The following COL22A1 variants were observed in gnomAD, a reference collection of about 807,000 sequenced individuals.
COL22A1 encodes collagen alpha-1(XXII) chain.
COL22A1 carries 221 observed loss-of-function variants against 248.9 expected under a neutral mutation model. That is an observed-to-expected ratio of 0.89 (90% CI 0.80 to 0.99). The LOEUF (loss-of-function observed/expected upper bound fraction) is 0.99. COL22A1 is among the 50% of genes least tolerant of loss of function. The pLI is 0.00. For synonymous variants in COL22A1, 891 were observed against 793.4 expected, an observed-to-expected ratio of 1.12 and a Z score of -2.07; for missense variants, 2,240 against 2,179.0, an observed-to-expected ratio of 1.03 and a Z score of -0.56.
At chr8:138,633,517 T>C (rs1478207155) in intron 49 of COL22A1, among the ~76,000 whole-genome samples, 4 of 152,266 alleles carry the variant, frequency 2.6e-5, no homozygotes, top group African/African-American at 9.6e-5. Flanking sequence ...GAGATGAGGC[T>C]GTAATCCATT....
chr8:138,655,915 G>A lies in COL22A1; in HGVS notation c.3315C>T (p.Asp1105=). The A allele has an allele frequency of 6.2e-7, 1 of 1,612,662 alleles. No individual in the cohort carries two copies. Among genetic ancestry groups the A allele is most frequent in the Non-Finnish European group, 8.5e-7 (1 of 1,178,760 alleles). Residue 1105 remains aspartate, a synonymous_variant, in exon 45 of 65, where the codon GAC becomes GAT. Transcript: ENST00000303045. The stretch of plus-strand genomic sequence containing the variant: ...CTTTTACCTTAGCCAAGAGATTTAT[G>A]TCCCCTGGAGACAGTAGTGAAGAGA... ...PGLSSLLSPG[D]INLLAKDVCN... is the part of the protein sequence containing the mutation.
intron 41 of COL22A1, among the ~76,000 whole-genome samples, chr8:138,670,402 C>G (rs553701522): frequency 1.3e-5 from 2 of 152,232 alleles, no homozygotes; most frequent in African/African-American, 4.8e-5. Flanking sequence ...CCTTGAGCAT[C>G]GGCCATGGGG....
Position 138,645,072 on chromosome 8 carries a change from T to G in COL22A1, c.3501+1557A>C, listed in dbSNP as rs140262671. Among the ~76,000 whole-genome samples the G allele has an allele frequency of 4.8e-3, 737 of 152,292 alleles. 7 individuals carry two copies. The highest frequency in any genetic ancestry group is 0.016 in the African/African-American group (658 of 41,570). The stretch of plus-strand genomic sequence containing the variant: ...TTGAGCTCATCCACGCAAAGCTATC[T>G]TCAGTAGGGACTTTCCCCTCTAGAG... On this transcript the variant is annotated intron_variant, in intron 47 of 64. Transcript: ENST00000303045.
At chr8:138,713,361 G>A (rs1829176066) in intron 30 of COL22A1, among the ~76,000 whole-genome samples, 1 of 152,060 alleles carries the variant, frequency 6.6e-6, no homozygotes, top group South Asian at 2.1e-4. Context: ...TATAAACTGG[G>A]GGTTAAGACG....
chr8:138,616,837 G>C, intron 54 of COL22A1, 77 bp downstream of exon 54: 1 of 1,551,368 alleles, frequency 6.4e-7, no homozygotes, highest in Non-Finnish European at 8.9e-7. Context: ...ATGGCCTGCA[G>C]GCTGCAAGTA....
chr8:138,908,853 GA>G (rs1815219496), intron 1 of COL22A1, among the ~76,000 whole-genome samples: 1 of 152,208 alleles, frequency 6.6e-6, no homozygotes, highest in Admixed American at 6.5e-5. Context: ...GTGGCAGAGA[GA>G]GTGCTTTCAT....
intron 56 of COL22A1, among the ~76,000 whole-genome samples, chr8:138,612,471 G>A (rs951488398): frequency 3.3e-5 from 5 of 152,130 alleles, no homozygotes; most frequent in African/African-American, 4.8e-5. Context: ...GAATGCTATG[G>A]GGTTCAATTG....
At chr8:138,806,800 C>G (rs560125534) in intron 10 of COL22A1, among the ~76,000 whole-genome samples, 1 of 152,330 alleles carries the variant, frequency 6.6e-6, no homozygotes, top group Admixed American at 6.5e-5. Context: ...GCCTGACACA[C>G]AGCAGATGCA....
intron 1 of COL22A1, among the ~76,000 whole-genome samples, chr8:138,884,336 G>A (rs1033846235): frequency 6.6e-6 from 1 of 152,102 alleles, no homozygotes; most frequent in African/African-American, 2.4e-5. Context: ...CAACTTCACT[G>A]GGCATGGAAG....
chr8:138,736,893 C>G (rs1048782869), intron 23 of COL22A1, among the ~76,000 whole-genome samples: 5 of 152,098 alleles, frequency 3.3e-5, no homozygotes, highest in Non-Finnish European at 7.4e-5. Flanking sequence ...GGCCAATGTC[C>G]CAGTGTTTTG....
At chr8:138,793,264 C>T (rs967283001) in intron 12 of COL22A1, among the ~76,000 whole-genome samples, 2 of 152,170 alleles carry the variant, frequency 1.3e-5, no homozygotes, top group African/African-American at 2.4e-5. Flanking sequence ...GCATGAGTCA[C>T]GAGTGGCCTT....
intron 25 of COL22A1, among the ~76,000 whole-genome samples, chr8:138,724,381 C>T (rs1334002812): frequency 1.3e-5 from 2 of 152,186 alleles, no homozygotes; most frequent in African/African-American, 2.4e-5. Context: ...GACTGTGGTC[C>T]TAATCCGCAC....
At chr8:138,907,747 G>A (rs542490807) in intron 1 of COL22A1, among the ~76,000 whole-genome samples, 127 of 152,302 alleles carry the variant, frequency 8.3e-4, no homozygotes, top group Admixed American at 6.4e-3. Context: ...GGCATCCAGC[G>A]AGGGTAACCC....
intron 13 of COL22A1, 60 bp from the exon 14 acceptor site, chr8:138,779,622 A>C: frequency 8.9e-7 from 1 of 1,129,124 alleles, no homozygotes; most frequent in East Asian, 2.3e-5. Flanking sequence ...GGTACACCAG[A>C]GAAGCCCACA....
chr8:138,741,875 T>TTGA (rs1466329873), intron 22 of COL22A1, among the ~76,000 whole-genome samples: 1 of 152,166 alleles, frequency 6.6e-6, no homozygotes, highest in Non-Finnish European at 1.5e-5. Flanking sequence ...TGTGGTGGCA[T>TTGA]TGATGATGAT....
chr8:138,654,181 A>G (rs1370750297), intron 45 of COL22A1, among the ~76,000 whole-genome samples: 1 of 152,168 alleles, frequency 6.6e-6, no homozygotes, highest in Non-Finnish European at 1.5e-5. Flanking sequence ...TCAGGGGTGG[A>G]GATGGCTGGT....
intron 2 of COL22A1, among the ~76,000 whole-genome samples, chr8:138,879,494 C>A (rs544914968): frequency 2.0e-5 from 3 of 152,078 alleles, no homozygotes; most frequent in Non-Finnish European, 4.4e-5. Context: ...GAGTTTGAGA[C>A]CAGTCTGGCC....
rs764763126 is a variant in COL22A1, at chr8:138,878,088, C to T, written c.320G>A (p.Arg107His). The change falls in exon 3 of 65, where the codon CGT becomes CAT. Residue 107 changes from arginine to histidine, a missense_variant. By Grantham distance (29) the Arg-to-His change is conservative (BLOSUM62 0). Coordinates refer to ENST00000303045, the MANE Select transcript of COL22A1 (RefSeq NM_152888.3). ...GGTGTTGCCCCCGTGGTAGGCGAGA[C>T]GCCGGGCAGCCGCCTTGACCTCCTC... is the stretch of plus-strand genomic sequence containing the variant. ...SQEEVKAAAR[R>H]LAYHGGNTNT... 2.6e-5 allele frequency: 42 copies of T among 1,598,142 alleles called. No individual in the cohort carries two copies. Among genetic ancestry groups the T allele is most frequent in the South Asian group, 1.6e-4 (14 of 88,228 alleles).
At chr8:138,850,524 T>C (rs1296456180) in intron 3 of COL22A1, among the ~76,000 whole-genome samples, 1 of 152,136 alleles carries the variant, frequency 6.6e-6, no homozygotes, top group East Asian at 1.9e-4. Context: ...CCGGCACAGC[T>C]GGGCCCTTCC....
Sources: gnomAD v4.1 joint callset for allele counts (sites outside exome capture counted in the v4.1 genomes callset) on GRCh38, gnomAD v4.1.1 for gene constraint, MANE v1.5 for transcripts, NCBI Gene and HGNC (gene_info 2026-07-23, HGNC 2026-07-21) for gene names.